The following BMERB1 variants were observed in gnomAD, a reference collection of about 807,000 sequenced individuals.
BMERB1 encodes bMERB domain containing 1.
In BMERB1, 12 loss-of-function variants were observed where a neutral mutation model predicts 23.6. The ratio of observed to expected loss-of-function variants is 0.51; its 90% CI spans 0.33 to 0.82. The LOEUF (loss-of-function observed/expected upper bound fraction) is 0.82, where lower values mean the gene tolerates loss of function less well. Among genes scored for constraint, BMERB1 ranks in the 40% least tolerant of loss-of-function variants. BMERB1 has a pLI of 0.03. For synonymous variants in BMERB1, 122 were observed against 96.6 expected (o/e 1.26, Z -1.54); for missense variants, 247 against 255.4 (o/e 0.97, Z 0.22).
chr16:15,499,424 A>C (rs2051505376), intron 1 of BMERB1, among the ~76,000 whole-genome samples: 1 of 152,068 alleles, frequency 6.6e-6, no homozygotes. Context: ...AAACAAAAAA[A>C]AAAAGTCAAC....
At chr16:15,532,653 C>T (rs1333517988) in intron 2 of BMERB1, among the ~76,000 whole-genome samples, 1 of 149,854 alleles carries the variant, frequency 6.7e-6, no homozygotes, top group African/African-American at 2.4e-5. Context: ...TCACGCCATT[C>T]GCCTGCCTCA....
At chr16:15,517,418 C>T (rs906701012) in intron 2 of BMERB1, among the ~76,000 whole-genome samples, 1 of 151,924 alleles carries the variant, frequency 6.6e-6, no homozygotes, top group Non-Finnish European at 1.5e-5. Flanking sequence ...GGCTGAGGCA[C>T]AAGAATCATT....
chr16:15,533,410 T>TTC (rs1322065142), intron 2 of BMERB1, among the ~76,000 whole-genome samples: 2 of 151,530 alleles, frequency 1.3e-5, no homozygotes, highest in African/African-American at 4.9e-5. Flanking sequence ...TTTTTTTTTT[T>TTC]CCTGAGATAG....
intron 1 of BMERB1, among the ~76,000 whole-genome samples, chr16:15,492,711 G>C (rs1192730427): frequency 6.6e-6 from 1 of 151,946 alleles, no homozygotes; most frequent in African/African-American, 2.4e-5. Flanking sequence ...CTGAGGTCAG[G>C]GGTTTGAGAC....
chr16:15,488,732 A>C (rs2051388965), intron 1 of BMERB1, among the ~76,000 whole-genome samples: 2 of 149,282 alleles, frequency 1.3e-5, no homozygotes, highest in African/African-American at 2.5e-5. Context: ...GGTCCCAGGT[A>C]CCCCGGAGGC....
At chr16:15,553,850 ACT>A (rs1167953275) in intron 2 of BMERB1, among the ~76,000 whole-genome samples, 1 of 151,726 alleles carries the variant, frequency 6.6e-6, no homozygotes, top group Non-Finnish European at 1.5e-5. Flanking sequence ...GGGAGAGTGC[ACT>A]CTCTCCTTGG....
chr16:15,567,131 C>T (rs1003126966), intron 2 of BMERB1, among the ~76,000 whole-genome samples: 1 of 152,022 alleles, frequency 6.6e-6, no homozygotes, highest in African/African-American at 2.4e-5. Context: ...TTCAAGTCTG[C>T]AGTAAGCTAT....
At position 15,515,342 on chromosome 16, in the gene BMERB1, G is replaced by A; in HGVS notation, c.144G>A (p.Met48Ile). Residue 48 changes from methionine to isoleucine, a missense_variant, in exon 2 of 6, where the codon ATG becomes ATA. Coordinates refer to ENST00000300006, the MANE Select transcript of BMERB1 (RefSeq NM_033201.3). ...TCATCTCCATGGCGGAGACAACCAT[G>A]ATGCCAGAGGAGATTGAGCTGGAGA... ...LDIISMAETT[M>I]MPEEIELEMA... is the part of the protein sequence containing the mutation. The A allele has an allele frequency of 1.2e-6, 2 of 1,613,920 alleles. 1 individual carries two copies. Among genetic ancestry groups the A allele is most frequent in the Non-Finnish European group, 1.7e-6 (2 of 1,180,016 alleles).
intron 1 of BMERB1, among the ~76,000 whole-genome samples, chr16:15,477,329 C>T (rs1271277250): frequency 6.6e-6 from 1 of 152,168 alleles, no homozygotes; most frequent in Non-Finnish European, 1.5e-5. Flanking sequence ...ATGGGGGAAA[C>T]CACCTCCATG....
intron 1 of BMERB1, among the ~76,000 whole-genome samples, chr16:15,484,989 C>T (rs1234776426): frequency 1.3e-5 from 2 of 152,214 alleles, no homozygotes; most frequent in East Asian, 1.9e-4. Context: ...CTTGTGTTGG[C>T]TTCACTCTCG....
At chr16:15,584,689 C>G (rs2031098742) in intron 5 of BMERB1, among the ~76,000 whole-genome samples, 1 of 152,304 alleles carries the variant, frequency 6.6e-6, no homozygotes, top group South Asian at 2.1e-4. Context: ...TACCTCCCCT[C>G]CTTTTCTTCT....
intron 2 of BMERB1, among the ~76,000 whole-genome samples, chr16:15,557,001 C>T (rs1338827116): frequency 9.2e-5 from 14 of 152,160 alleles, no homozygotes; most frequent in Admixed American, 9.2e-4. Flanking sequence ...GAAAACCTAC[C>T]TCTGCCTTTG....
intron 2 of BMERB1, among the ~76,000 whole-genome samples, chr16:15,533,386 C>T (rs1359917777): frequency 4.0e-5 from 6 of 149,904 alleles, no homozygotes; most frequent in Admixed American, 1.3e-4. Context: ...AGAGGAAGTT[C>T]GTTTCTTTCT....
rs1705693095 is a variant in BMERB1, at chr16:15,583,978, G to A, written c.502+740G>A. 19 of 700,092 alleles carry A rather than the reference G, an allele frequency of 2.7e-5. No homozygotes were observed. The Middle Eastern group carries it at 3.4e-3, about 126-fold the overall frequency. The allele number at this position is 700,092 out of a possible 1,614,324, so 43.4% of individuals were successfully genotyped here. Reference sequence around the variant, plus strand: ...TCATAGAAAGAATTGGGTAGCTACTGAGGCTCAGGGAGCTCTGGCCTCTCT... The same window carrying A: ...TCATAGAAAGAATTGGGTAGCTACTAAGGCTCAGGGAGCTCTGGCCTCTCT... On this transcript the variant is annotated intron_variant, in intron 5 of 5. Transcript: ENST00000300006.
intron 1 of BMERB1, among the ~76,000 whole-genome samples, chr16:15,434,967 A>G (rs1598437127): frequency 1.3e-5 from 2 of 152,346 alleles, no homozygotes; most frequent in African/African-American, 2.4e-5. Context: ...GCTGAGCCTC[A>G]CTGGGAGGGT....
intron 2 of BMERB1, among the ~76,000 whole-genome samples, chr16:15,534,292 A>G (rs1460320979): frequency 1.7e-5 from 1 of 57,562 alleles, no homozygotes; most frequent in Non-Finnish European, 4.2e-5. Flanking sequence ...ATTGCAAAAA[A>G]AAAAAAAAAA....
At chr16:15,556,493 C>G (rs541792912) in intron 2 of BMERB1, among the ~76,000 whole-genome samples, 1 of 152,376 alleles carries the variant, frequency 6.6e-6, no homozygotes, top group East Asian at 1.9e-4. Flanking sequence ...GCATTGAGAT[C>G]TGGCTGTGTC....
chr16:15,446,200 G>A (rs2050987623), intron 1 of BMERB1, among the ~76,000 whole-genome samples: 1 of 152,054 alleles, frequency 6.6e-6, no homozygotes, highest in Non-Finnish European at 1.5e-5. Flanking sequence ...AGACCAGCCT[G>A]GGCAACATAG....
intron 1 of BMERB1, among the ~76,000 whole-genome samples, chr16:15,474,497 G>A (rs2051259093): frequency 6.6e-6 from 1 of 151,652 alleles, no homozygotes. Flanking sequence ...CCTGAATTGA[G>A]TTGCTAGAAC....
Sources: allele counts gnomAD v4.1 joint callset (sites outside exome capture counted in the v4.1 genomes callset), GRCh38; gene constraint gnomAD v4.1.1; transcripts MANE v1.5; gene names NCBI Gene and HGNC (gene_info 2026-07-23, HGNC 2026-07-21).